The following CALN1 variants were observed in gnomAD, a reference collection of about 807,000 sequenced individuals.
CALN1 encodes the protein calneuron 1.
CALN1 carries 17 observed loss-of-function variants against 30.6 expected under a neutral mutation model. The ratio of observed to expected loss-of-function variants is 0.56; its 90% CI spans 0.38 to 0.83. The LOEUF is 0.83. CALN1 is among the 40% of genes least tolerant of loss of function. The probability of loss-of-function intolerance (pLI) is 0.00; values close to 1 mark genes in which losing one functional copy is unlikely to be tolerated. For synonymous variants in CALN1, 156 were observed against 131.4 expected (o/e 1.19, Z -1.28); for missense variants, 291 against 354.9 (o/e 0.82, Z 1.45).
chr7:72,452,946 A>T, the CALN1 span, among the ~76,000 whole-genome samples: 870 of 152,222 alleles, frequency 5.7e-3, 9 homozygotes, highest in African/African-American at 0.019. Flanking sequence ...TTCCTGTTAG[A>T]TTCAGTCAAA....
At chr7:71,996,446 T>C (rs939089412) in intron 5 of CALN1, among the ~76,000 whole-genome samples, 1 of 152,220 alleles carries the variant, frequency 6.6e-6, no homozygotes, top group Admixed American at 6.5e-5. Context: ...TGTGTTCTCA[T>C]TGTTCAGCTC....
chr7:72,272,972 A>C (rs1196604940), intron 3 of CALN1, among the ~76,000 whole-genome samples: 2 of 152,024 alleles, frequency 1.3e-5, no homozygotes, highest in Non-Finnish European at 2.9e-5. Flanking sequence ...GAAGGAGAGA[A>C]GGAGAGAGGA....
intron 2 of CALN1, among the ~76,000 whole-genome samples, chr7:72,366,390 G>C (rs754395222): frequency 3.3e-5 from 5 of 151,988 alleles, no homozygotes; most frequent in Admixed American, 6.6e-5. Flanking sequence ...TGGCCAAGCT[G>C]GTCTCGAACT....
chr7:72,243,211 T>G (rs1416911297), intron 3 of CALN1, among the ~76,000 whole-genome samples: 1 of 151,170 alleles, frequency 6.6e-6, no homozygotes, highest in Non-Finnish European at 1.5e-5. Context: ...AGGACTGAGC[T>G]CTCTCTCTCT....
At chr7:72,055,134 C>A (rs925894827) in intron 4 of CALN1, among the ~76,000 whole-genome samples, 5 of 152,172 alleles carry the variant, frequency 3.3e-5, no homozygotes, top group Non-Finnish European at 7.3e-5. Context: ...AATCCTCACA[C>A]CACACTAACG....
At chr7:71,790,588 C>T (rs755258402) in intron 6 of CALN1, among the ~76,000 whole-genome samples, 5 of 152,192 alleles carry the variant, frequency 3.3e-5, no homozygotes, top group African/African-American at 7.2e-5. Flanking sequence ...CACGGTTCCC[C>T]AGATAGCTTA....
chr7:72,142,978 T>A (rs1326179754), intron 3 of CALN1, among the ~76,000 whole-genome samples: 8 of 152,036 alleles, frequency 5.3e-5, no homozygotes, highest in Admixed American at 6.6e-5. Flanking sequence ...TATCTGTACG[T>A]CACCATCATC....
chr7:71,982,696 G>T (rs2129527296), intron 5 of CALN1, among the ~76,000 whole-genome samples: 1 of 152,284 alleles, frequency 6.6e-6, no homozygotes, highest in Middle Eastern at 3.4e-3. Context: ...GAGTTAAGAA[G>T]AAATGATTTG....
At chr7:71,953,067 C>T (rs1294003197) in intron 5 of CALN1, among the ~76,000 whole-genome samples, 1 of 152,180 alleles carries the variant, frequency 6.6e-6, no homozygotes. Flanking sequence ...AGCAATCCTC[C>T]TTCCTCAACC....
intron 5 of CALN1, among the ~76,000 whole-genome samples, chr7:72,021,034 G>T (rs1187254739): frequency 6.6e-6 from 1 of 152,142 alleles, no homozygotes; most frequent in Admixed American, 6.5e-5. Context: ...ACTTTAGGAG[G>T]CCAAGGCAGG....
chr7:72,099,010 C>A (rs1484185647), intron 4 of CALN1, among the ~76,000 whole-genome samples: 1 of 152,216 alleles, frequency 6.6e-6, no homozygotes, highest in Admixed American at 6.5e-5. Flanking sequence ...ATGAAAACCT[C>A]ATGTGTCAAC....
intron 5 of CALN1, among the ~76,000 whole-genome samples, chr7:71,814,459 G>A (rs1788144019): frequency 1.3e-5 from 2 of 152,196 alleles, no homozygotes; most frequent in South Asian, 2.1e-4. Context: ...GAGGGGAGGA[G>A]TATATTTTGC....
chr7:72,064,012 G>A (rs573508923), intron 4 of CALN1, among the ~76,000 whole-genome samples: 1 of 152,304 alleles, frequency 6.6e-6, no homozygotes, highest in African/African-American at 2.4e-5. Flanking sequence ...GGTGGCTCAT[G>A]CCTGTAATCC....
chr7:71,866,391 T>C (rs1014117954), intron 5 of CALN1, among the ~76,000 whole-genome samples: 5 of 152,134 alleles, frequency 3.3e-5, no homozygotes, highest in African/African-American at 4.8e-5. Flanking sequence ...CTATATTATG[T>C]ATATTATGCA....
chr7:71,950,712 A>T (rs922625815), intron 5 of CALN1, among the ~76,000 whole-genome samples: 12 of 152,316 alleles, frequency 7.9e-5, no homozygotes, highest in African/African-American at 2.9e-4. Context: ...GCTTCAGACC[A>T]CACAGGGAAT....
At chr7:72,409,801 T>C (rs903683942) in intron 1 of CALN1, among the ~76,000 whole-genome samples, 1 of 152,060 alleles carries the variant, frequency 6.6e-6, no homozygotes, top group African/African-American at 2.4e-5. Flanking sequence ...ATTCAAAGAA[T>C]CACCAAGGAA....
chr7:72,437,503 G>C (rs1808198141), intron 1 of CALN1, among the ~76,000 whole-genome samples: 1 of 146,870 alleles, frequency 6.8e-6, no homozygotes, highest in African/African-American at 2.6e-5. Flanking sequence ...AGTTAAAGAA[G>C]GTGAGAAACC....
chr7:72,368,253 TTCTGTTA>T (rs1803999364), intron 2 of CALN1, among the ~76,000 whole-genome samples: 1 of 150,690 alleles, frequency 6.6e-6, no homozygotes, highest in Non-Finnish European at 1.5e-5. Context: ...GCTAGTAATG[TTCTGTTA>T]ACTGTTAACT....
intron 3 of CALN1, among the ~76,000 whole-genome samples, chr7:72,200,345 C>T (rs1418368507): frequency 6.6e-6 from 1 of 152,156 alleles, no homozygotes; most frequent in Non-Finnish European, 1.5e-5. Flanking sequence ...TCTCTGTGAA[C>T]TAGAAATGTT....
Sources: gnomAD v4.1 joint callset for allele counts (sites outside exome capture counted in the v4.1 genomes callset) on GRCh38, gnomAD v4.1.1 for gene constraint, MANE v1.5 for transcripts, NCBI Gene and HGNC (gene_info 2026-07-23, HGNC 2026-07-21) for gene names.